The following DCST1 variants were observed in gnomAD, a reference collection of about 807,000 sequenced individuals.
The protein encoded by DCST1 is DC-STAMP domain containing 1.
A neutral mutation model predicts 89.1 loss-of-function variants in DCST1; 78 were observed. The observed-to-expected ratio is 0.88, with a 90% CI of 0.73 to 1.06. The LOEUF (loss-of-function observed/expected upper bound fraction) is 1.06, where lower values mean the gene tolerates loss of function less well. Among genes scored for constraint, DCST1 ranks in the 50% least tolerant of loss-of-function variants. The pLI is 0.00. For missense variants in DCST1, 900 were observed against 928.6 expected (o/e 0.97, Z 0.40); for synonymous variants, 364 against 371.9 (o/e 0.98, Z 0.24).
chr1:155,040,595 C>A lies in DCST1; in HGVS notation c.502C>A (p.Pro168Thr), dbSNP rs1457915901. ...CGCAGCTTGGCGCATCTCCACAGCC[C>A]CCTTACGGGCCATGTTCAAGGACCT... The part of the protein sequence containing the change: ...TRAAWRISTA[P>T]LRAMFKDLLS... The change falls in exon 6 of 17, where the codon CCC becomes ACC. Residue 168 changes from proline to threonine, a missense_variant. Coordinates refer to ENST00000295542, the MANE Select transcript of DCST1 (RefSeq NM_152494.4). 5 of 1,582,448 alleles carry A rather than the reference C, an allele frequency of 3.2e-6. No individual in the cohort carries two copies. The highest frequency in any genetic ancestry group is 2.7e-5 in the African/African-American group (2 of 74,374).
chr1:155,049,417 A>AT (rs35719405), intron 16 of DCST1, among the ~76,000 whole-genome samples: 66,076 of 146,136 alleles, frequency 0.45, 15,826 homozygotes, highest in East Asian at 0.86. Context: ...ATTGAATTGA[A>AT]TTTTTTTTTT....
intron 13 of DCST1, among the ~76,000 whole-genome samples, 175 bp from the exon 14 acceptor site, chr1:155,047,021 C>T (rs1660664631): frequency 6.6e-6 from 1 of 152,142 alleles, no homozygotes; most frequent in Admixed American, 6.5e-5. Context: ...GGGCTCTGTA[C>T]CCCTTTACAC....
At chr1:155,042,924 G>C in intron 9 of DCST1, 68 bp downstream of exon 9, 2 of 1,582,872 alleles carry the variant, frequency 1.3e-6, no homozygotes, top group Middle Eastern at 1.7e-4. Context: ...AGGGAATAGA[G>C]CTAGAGGAAG....
At chr1:155,034,287 T>G in intron 2 of DCST1, 148 bp from the exon 3 acceptor site, 1 of 1,586,560 alleles carries the variant, frequency 6.3e-7, no homozygotes, top group South Asian at 1.1e-5. Flanking sequence ...TTCCTCAGGC[T>G]CCCTCATCCT....
At chr1:155,042,423 TG>T (rs2102356064) in intron 8 of DCST1, among the ~76,000 whole-genome samples, 1 of 152,234 alleles carries the variant, frequency 6.6e-6, no homozygotes, top group East Asian at 1.9e-4. Context: ...TAAGGATTTA[TG>T]GGGCTAACGT....
At chr1:155,041,365 T>G in intron 6 of DCST1, 32 bp from the exon 7 acceptor site, 1 of 1,610,356 alleles carries the variant, frequency 6.2e-7, no homozygotes, top group Non-Finnish European at 8.5e-7. Flanking sequence ...GCCCCAGCCC[T>G]CACCCTTTCC....
rs772354702 is a variant in DCST1, at chr1:155,034,604, CA to C, written c.187+45del. Reference sequence around the variant, plus strand: ...AGTTCGGGGTGGGCAGAGGCTGGACCAGGGCTAGGACCCATCTTTTGGCCTT... The same window carrying C: ...AGTTCGGGGTGGGCAGAGGCTGGACCGGGCTAGGACCCATCTTTTGGCCTT... On this transcript the variant is annotated intron_variant, in intron 3 of 16. Coordinates refer to ENST00000295542, the MANE Select transcript of DCST1 (RefSeq NM_152494.4). 3 of 1,613,994 alleles carry C rather than the reference CA, an allele frequency of 1.9e-6. No individual in the cohort carries two copies. In the East Asian group the frequency reaches 6.7e-5, roughly 36 times the overall value.
chr1:155,034,856 C>A, intron 4 of DCST1, 129 bp downstream of exon 4: 2 of 995,700 alleles, frequency 2.0e-6, no homozygotes, highest in Non-Finnish European at 3.1e-6. Flanking sequence ...CCGCCTCCTC[C>A]TGGGCTTTAC....
In DCST1 at chr1:155,044,646, G is replaced by A. The variant is rs576232401; in HGVS notation, c.1172+1137G>A. On this transcript the variant is annotated intron_variant, in intron 10 of 16. Transcript: ENST00000295542. ...AATAACTGGGCTCCAAATGGCCGCAGATGCGGAACGGTGGTCAAGGAAAGA... is the reference window on the plus strand; with the variant it reads ...AATAACTGGGCTCCAAATGGCCGCAAATGCGGAACGGTGGTCAAGGAAAGA... 5.3e-5 allele frequency among the ~76,000 whole-genome samples: 8 copies of A among 152,356 alleles called. No homozygotes were observed. The South Asian group carries it at 1.5e-3, about 28-fold the overall frequency.
At chr1:155,048,014 G>T (rs756912929) in intron 15 of DCST1, 43 bp from the exon 16 acceptor site, 7 of 1,613,064 alleles carry the variant, frequency 4.3e-6, no homozygotes, top group Non-Finnish European at 5.9e-6. Flanking sequence ...CTCCATATTT[G>T]GGGGATGCCT....
intron 16 of DCST1, 102 bp from the exon 17 acceptor site, chr1:155,050,515 C>A: frequency 7.0e-7 from 1 of 1,420,898 alleles, no homozygotes; most frequent in Non-Finnish European, 9.3e-7. Flanking sequence ...CTCCAACACG[C>A]GGGAATTGTC....
intron 6 of DCST1, among the ~76,000 whole-genome samples, chr1:155,040,908 G>C (rs1660420040): frequency 6.6e-6 from 1 of 152,192 alleles, no homozygotes; most frequent in African/African-American, 2.4e-5. Flanking sequence ...GGGGGCTTTG[G>C]CCTTGAGTAG....
At chr1:155,045,661 TCTGCTATGTCTCAC>T in intron 10 of DCST1, 3 of 551,908 alleles carry the variant, frequency 5.4e-6, no homozygotes, top group Non-Finnish European at 9.8e-6. Flanking sequence ...CCTACTCACT[TCTGCTATGTCTCAC>T]CCATCATGTA....
chr1:155,042,670 C>T (rs1660471003), intron 8 of DCST1, 65 bp from the exon 9 acceptor site: 4 of 1,607,332 alleles, frequency 2.5e-6, no homozygotes, highest in Non-Finnish European at 2.6e-6. Flanking sequence ...GGAGGACAGG[C>T]AGGCCAGGCC....
chr1:155,041,154 G>A (rs1660425065), intron 6 of DCST1, among the ~76,000 whole-genome samples: 1 of 152,138 alleles, frequency 6.6e-6, no homozygotes, highest in Non-Finnish European at 1.5e-5. Context: ...AGGAAGAGCT[G>A]AGAGTCTGGG....
At chr1:155,045,552 C>T in intron 10 of DCST1, 1 of 329,668 alleles carries the variant, frequency 3.0e-6, no homozygotes, top group Non-Finnish European at 5.8e-6. Flanking sequence ...GCTCGATATT[C>T]ATCCTGTAAG....
chr1:155,041,462 C>T lies in DCST1; in HGVS notation c.597C>T (p.Ala199=). ...CCGCCACTTTTGAGGACCTGGATGC[C>T]CAGGTGAATAGTGAGACGGGCTACA... ...NISATFEDLD[A]QVNSETGYTP... Residue 199 remains alanine, a synonymous_variant, in exon 7 of 17, where the codon GCC becomes GCT. Coordinates refer to ENST00000295542, the MANE Select transcript of DCST1 (RefSeq NM_152494.4). The T allele has an allele frequency of 6.2e-7, 1 of 1,614,034 alleles. No homozygotes were observed. Among genetic ancestry groups the T allele is most frequent in the Non-Finnish European group, 8.5e-7 (1 of 1,180,010 alleles).
rs555941573 is a variant in DCST1, at chr1:155,043,386, C to A, written c.1049C>A (p.Thr350Lys). Reference sequence around the variant, plus strand: ...CAGGCTGGGGTGCTGGGGCTCAACACAAGCTGGGAGCGCGTGAGCACCGAG... The same window carrying A: ...CAGGCTGGGGTGCTGGGGCTCAACAAAAGCTGGGAGCGCGTGAGCACCGAG... ...EKQAGVLGLN[T>K]SWERVSTEVR... Residue 350 changes from threonine (T) to lysine (K), a missense_variant, in exon 10 of 17, where the codon ACA (threonine) becomes AAA (lysine). Physicochemically the swap from Thr to Lys is moderately conservative, Grantham distance 78. Transcript: ENST00000295542. The A allele has an allele frequency of 1.9e-6, 3 of 1,614,046 alleles. No individual in the cohort carries two copies. The highest frequency in any genetic ancestry group is 1.1e-5 in the South Asian group (1 of 91,080).
At chr1:155,050,188 T>C (rs1660854934) in intron 16 of DCST1, among the ~76,000 whole-genome samples, 1 of 152,190 alleles carries the variant, frequency 6.6e-6, no homozygotes, top group South Asian at 2.1e-4. Flanking sequence ...CATAGTGAAC[T>C]AGGTTTGTGG....
Sources: gnomAD v4.1 joint callset for allele counts (sites outside exome capture counted in the v4.1 genomes callset) on GRCh38, gnomAD v4.1.1 for gene constraint, MANE v1.5 for transcripts, NCBI Gene and HGNC (gene_info 2026-07-23, HGNC 2026-07-21) for gene names.